UNC45A: variants seen among roughly 807,000 people sequenced by gnomAD.
The protein encoded by UNC45A is protein unc-45 homolog A.
In UNC45A, 78 loss-of-function variants were observed where a neutral mutation model predicts 103.2. The observed-to-expected ratio is 0.76, with a 90% CI of 0.63 to 0.91. UNC45A has a LOEUF of 0.91. Ranked by LOEUF, UNC45A falls within the 40% of genes least tolerant of loss-of-function variation. The pLI is 0.00. For missense variants in UNC45A, 1,193 were observed against 1,224.8 expected, an observed-to-expected ratio of 0.97 and a Z score of 0.39; for synonymous variants, 495 against 504.6, an observed-to-expected ratio of 0.98 and a Z score of 0.25.
At chr15:90,937,932 G>C (rs2151357025) in intron 4 of UNC45A, among the ~76,000 whole-genome samples, 1 of 152,214 alleles carries the variant, frequency 6.6e-6, no homozygotes, top group South Asian at 2.1e-4. Flanking sequence ...AAGTAGCTGG[G>C]ACAAATGCAT....
intron 14 of UNC45A, 47 bp downstream of exon 14, chr15:90,949,490 C>T: frequency 1.9e-6 from 3 of 1,608,154 alleles, no homozygotes; most frequent in Non-Finnish European, 2.6e-6. Context: ...TCCTGAGCCT[C>T]AGGGCTGCAG....
upstream of UNC45A, chr15:90,932,653 TG>T: frequency 1.7e-6 from 1 of 582,844 alleles, no homozygotes; most frequent in East Asian, 3.5e-5. Context: ...CGGGCCGAGT[TG>T]GGCCTGCCCC....
In UNC45A at chr15:90,938,622, G is replaced by A. The variant is rs533990880; in HGVS notation, c.427-1109G>A. 3.0e-4 allele frequency among the ~76,000 whole-genome samples: 46 copies of A among 152,168 alleles called. No individual in the cohort carries two copies. In the South Asian group the frequency reaches 8.5e-3, roughly 28 times the overall value. ...TGCCACCATCTATGCCCAGGACTCT[G>A]GGGGGTGGGGGAGTAGGCCTAGGAT... On this transcript the variant is annotated intron_variant, in intron 4 of 19. Coordinates refer to ENST00000418476, the MANE Select transcript of UNC45A (RefSeq NM_018671.5).
Position 90,948,723 on chromosome 15 carries a change from G to A in UNC45A, c.1807G>A (p.Glu603Lys). 8 of 1,613,988 alleles carry A rather than the reference G, an allele frequency of 5.0e-6. No homozygotes were observed. The highest frequency in any genetic ancestry group is 3.3e-5 in the South Asian group (3 of 91,064). Reference sequence around the variant, plus strand: ...GAACTGCACCAACAGCTATGACTACGAGGAGCCCGACCCCAAGATGGTGGA... The same window carrying A: ...GAACTGCACCAACAGCTATGACTACAAGGAGCCCGACCCCAAGATGGTGGA... ...LVNCTNSYDY[E>K]EPDPKMVELA... Residue 603 changes from glutamate to lysine, a missense_variant, in exon 13 of 20, where the codon GAG (glutamate) becomes AAG (lysine). Coordinates refer to ENST00000418476, the MANE Select transcript of UNC45A (RefSeq NM_018671.5).
At chr15:90,931,248 G>T (rs911894830), upstream of UNC45A, 4 of 1,550,436 alleles carry the variant, frequency 2.6e-6, no homozygotes, top group Non-Finnish European at 3.5e-6. Flanking sequence ...GGCTGGAGTT[G>T]TGCCTCTGGA....
chr15:90,941,607 C>G (rs1329557256), intron 6 of UNC45A, among the ~76,000 whole-genome samples: 1 of 152,160 alleles, frequency 6.6e-6, no homozygotes, highest in Non-Finnish European at 1.5e-5. Context: ...TAAGTGGAAG[C>G]AGTCAGGATT....
chr15:90,939,314 T>C (rs2036171824), intron 4 of UNC45A, among the ~76,000 whole-genome samples: 1 of 152,180 alleles, frequency 6.6e-6, no homozygotes, highest in African/African-American at 2.4e-5. Context: ...AAGAGAATTC[T>C]GGAGCTAAAG....
At chr15:90,933,814 C>T (rs923760612), upstream of UNC45A, 4 of 380,262 alleles carry the variant, frequency 1.1e-5, no homozygotes, top group South Asian at 2.9e-4. Flanking sequence ...AGCCTTCTCT[C>T]CTTCAGCAGT....
In UNC45A at chr15:90,940,423, C is replaced by T. The variant is rs1324170831; in HGVS notation, c.637C>T (p.Leu213=). 7 of 1,614,000 alleles carry T rather than the reference C, an allele frequency of 4.3e-6. No homozygotes were observed. In the African/African-American group the frequency reaches 5.3e-5, roughly 12 times the overall value. ...GGACATGGGAGAGACTGACCTCATG[C>T]TGGCGGCTCTGCGTACGCTGGTTGG... ...LLDMGETDLM[L]AALRTLVGIC... Residue 213 remains leucine (L), a synonymous_variant, in exon 6 of 20, where the codon CTG becomes TTG. Coordinates refer to ENST00000418476, the MANE Select transcript of UNC45A (RefSeq NM_018671.5).
chr15:90,934,564 C>T (rs954024702), upstream of UNC45A: 1 of 398,902 alleles, frequency 2.5e-6, no homozygotes, highest in African/African-American at 2.1e-5. Context: ...GATCTCCAAC[C>T]CCAGAGCCAC....
At position 90,943,135 on chromosome 15, in the gene UNC45A, C is replaced by T. The variant is rs2036379370; in HGVS notation, c.1027+53C>T. 11 of 1,544,948 alleles carry T rather than the reference C, an allele frequency of 7.1e-6. No homozygotes were observed. The Middle Eastern group carries it at 1.2e-3, about 171-fold the overall frequency. On this transcript the variant is annotated intron_variant, in intron 8 of 19. Transcript: ENST00000418476. ...CTTCAGCAGCTGAAGTTTGTTTATT[C>T]TTAGGAGTAATAAGAAAAGTTGTGA...
chr15:90,932,447 A>C, upstream of UNC45A: 1 of 1,359,074 alleles, frequency 7.4e-7, no homozygotes, highest in African/African-American at 1.5e-5. Flanking sequence ...TGGTTGATGT[A>C]GGGGGTCCCC....
At position 90,950,580 on chromosome 15, in the gene UNC45A, C is replaced by T. The variant is rs1339959401; in HGVS notation, c.2268C>T (p.Ala756=). The T allele has an allele frequency of 1.2e-6, 2 of 1,614,178 alleles. No individual in the cohort carries two copies. Among genetic ancestry groups the T allele is most frequent in the South Asian group, 1.1e-5 (1 of 91,090 alleles). ...TGCAGAACTTCGAGGCGCTCATGGC[C>T]CTAACAAACCTGGCTGGGATCAGCG... ...SGLQNFEALM[A]LTNLAGISER... The change falls in exon 17 of 20, where the codon GCC becomes GCT. Residue 756 remains alanine, a synonymous_variant. Transcript: ENST00000418476.
chr15:90,948,220 C>T lies in UNC45A; in HGVS notation c.1674C>T (p.Ala558=), dbSNP rs749419769. ...VEGLAYLTFD[A]DVKEEFVEDA... is the part of the protein sequence containing the mutation. ...GCCTGGCTTACCTGACCTTTGATGC[C>T]GACGTGAAGGAAGAGTTTGTGGAGG... The change falls in exon 12 of 20, where the codon GCC becomes GCT. Residue 558 remains alanine (A), a synonymous_variant. Transcript: ENST00000418476. 1.2e-5 allele frequency: 20 copies of T among 1,613,988 alleles called. No individual in the cohort carries two copies. Among genetic ancestry groups the T allele is most frequent in the East Asian group, 4.5e-5 (2 of 44,892 alleles).
chr15:90,935,163 C>A, upstream of UNC45A: 8 of 689,552 alleles, frequency 1.2e-5, no homozygotes, highest in Non-Finnish European at 1.2e-5. Flanking sequence ...CAGAGCCAAG[C>A]GCCCCGCCCC....
At position 90,946,790 on chromosome 15, in the gene UNC45A, A is replaced by G; in HGVS notation, c.1376A>G (p.Glu459Gly). Residue 459 changes from glutamate to glycine, a missense_variant, in exon 10 of 20, where the codon GAG (glutamate) becomes GGG (glycine). Glu to Gly is a moderately conservative substitution (Grantham distance 98). Coordinates refer to ENST00000418476, the MANE Select transcript of UNC45A (RefSeq NM_018671.5). ...EQEEEQLVAV[E>G]ALIHAAGKAK... is the part of the protein sequence containing the mutation. ...GAGGAGGAGCAGCTGGTGGCCGTGG[A>G]GGCTCTGATCCATGCAGCCGGCAAG... The G allele has an allele frequency of 1.2e-6, 2 of 1,614,198 alleles. No homozygotes were observed. Among genetic ancestry groups the G allele is most frequent in the Non-Finnish European group, 1.7e-6 (2 of 1,180,022 alleles).
Position 90,940,428 on chromosome 15 carries a change from G to T in UNC45A, c.642G>T (p.Ala214=), listed in dbSNP as rs769230152. 1 of 1,614,036 alleles carries T rather than the reference G, an allele frequency of 6.2e-7. No individual in the cohort carries two copies. Among genetic ancestry groups the T allele is most frequent in the Non-Finnish European group, 8.5e-7 (1 of 1,179,958 alleles). The change falls in exon 6 of 20, where the codon GCG becomes GCT. Residue 214 remains alanine, a synonymous_variant. Coordinates refer to ENST00000418476, the MANE Select transcript of UNC45A (RefSeq NM_018671.5). ...TGGGAGAGACTGACCTCATGCTGGC[G>T]GCTCTGCGTACGCTGGTTGGCATTT... is the stretch of plus-strand genomic sequence containing the variant. ...LDMGETDLML[A]ALRTLVGICS... is the part of the protein sequence containing the mutation.
At position 90,944,880 on chromosome 15, in the gene UNC45A, G is replaced by T. The variant is rs757003030; in HGVS notation, c.1028-12G>T. 1.2e-6 allele frequency: 2 copies of T among 1,610,750 alleles called. No homozygotes were observed. The highest frequency in any genetic ancestry group is 2.2e-5 in the East Asian group (1 of 44,842). On this transcript the variant is annotated splice_polypyrimidine_tract_variant and intron_variant, in intron 8 of 19. Coordinates refer to ENST00000418476, the MANE Select transcript of UNC45A (RefSeq NM_018671.5). ...ACTAGTGTTCTACTGTCTAAGCGGG[G>T]TGTCTTTACAGGTCTGAAAAAGATT...
Position 90,948,002 on chromosome 15 carries a change from G to A in UNC45A, c.1595+112G>A. 2.0e-6 allele frequency: 3 copies of A among 1,492,900 alleles called. No individual in the cohort carries two copies. In the Middle Eastern group the frequency reaches 5.6e-4, roughly 277 times the overall value. 92.5% of individuals were successfully genotyped at this position (1,492,900 alleles called of 1,614,324 possible). A position where few individuals can be genotyped will look rare whatever the true frequency, so the allele number is the denominator to read the frequency against. On this transcript the variant is annotated intron_variant, in intron 11 of 19. Coordinates refer to ENST00000418476, the MANE Select transcript of UNC45A (RefSeq NM_018671.5). ...GTCCTGCTCTCTGGCTCAGGCAGGG[G>A]CTGCAGTCTGGATCCTGGTACGTGA... is the stretch of plus-strand genomic sequence containing the variant.
Sources: allele counts gnomAD v4.1 joint callset (sites outside exome capture counted in the v4.1 genomes callset), GRCh38; gene constraint gnomAD v4.1.1; transcripts MANE v1.5; gene names NCBI Gene and HGNC (gene_info 2026-07-23, HGNC 2026-07-21).